ZRANB1: variants seen among roughly 807,000 people sequenced by gnomAD.
ZRANB1 encodes ubiquitin thioesterase ZRANB1.
Under a neutral mutation model 80.5 loss-of-function variants are expected in ZRANB1, and 16 were observed. The observed-to-expected ratio is 0.20, with a 90% confidence interval of 0.13 to 0.30. The LOEUF (loss-of-function observed/expected upper bound fraction) is 0.30, where lower values mean the gene tolerates loss of function less well. Ranked by LOEUF, ZRANB1 falls within the 10% of genes least tolerant of loss-of-function variation. The pLI is 1.00. For missense variants in ZRANB1, 576 were observed against 862.6 expected (o/e 0.67, Z 4.16); for synonymous variants, 291 against 293.1 (o/e 0.99, Z 0.07).
At chr10:124,948,134 C>T (rs906224216) in intron 1 of ZRANB1, among the ~76,000 whole-genome samples, 2 of 152,114 alleles carry the variant, frequency 1.3e-5, no homozygotes, top group African/African-American at 2.4e-5. Flanking sequence ...TCTTCCTCCT[C>T]CCCCTCCTCA....
chr10:124,966,283 C>T (rs1009654695), intron 1 of ZRANB1, among the ~76,000 whole-genome samples: 7 of 151,886 alleles, frequency 4.6e-5, no homozygotes, highest in Admixed American at 1.3e-4. Flanking sequence ...CTTGTTACGT[C>T]TGGTTTCTCA....
intron 2 of ZRANB1, among the ~76,000 whole-genome samples, chr10:124,969,466 C>G (rs1951802689): frequency 6.6e-6 from 1 of 152,078 alleles, no homozygotes; most frequent in Non-Finnish European, 1.5e-5. Flanking sequence ...AATGCTCAGC[C>G]AAGTTCTTTT....
At chr10:124,970,288 A>T (rs934512878) in intron 2 of ZRANB1, among the ~76,000 whole-genome samples, 5 of 151,914 alleles carry the variant, frequency 3.3e-5, no homozygotes, top group African/African-American at 1.2e-4. Context: ...TTTTCTTTTG[A>T]GACAGACTTT....
At chr10:124,925,008 G>A in the ZRANB1 span, among the ~76,000 whole-genome samples, 2 of 151,722 alleles carry the variant, frequency 1.3e-5, no homozygotes, top group African/African-American at 2.4e-5. Context: ...CCCGGGTTCA[G>A]GCGATTCTCA....
intron 2 of ZRANB1, among the ~76,000 whole-genome samples, chr10:124,971,407 T>C (rs1472080134): frequency 6.6e-6 from 1 of 152,228 alleles, no homozygotes; most frequent in Non-Finnish European, 1.5e-5. Context: ...GTGTTTAAAC[T>C]TGCAGATGCC....
At chr10:124,919,352 C>T in the ZRANB1 span, among the ~76,000 whole-genome samples, 5 of 152,114 alleles carry the variant, frequency 3.3e-5, no homozygotes, top group African/African-American at 1.2e-4. Context: ...CGAGACCAGC[C>T]TGGCCAACAT....
chr10:124,935,611 A>G, the ZRANB1 span, among the ~76,000 whole-genome samples: 2 of 152,196 alleles, frequency 1.3e-5, no homozygotes, highest in Admixed American at 6.5e-5. Context: ...CTTGACACCT[A>G]GTTTATATCT....
intron 1 of ZRANB1, among the ~76,000 whole-genome samples, chr10:124,953,218 G>A (rs1032662689): frequency 1.3e-5 from 2 of 151,798 alleles, no homozygotes; most frequent in African/African-American, 4.8e-5. Flanking sequence ...GAGCCACTGT[G>A]TCCAGCCAAC....
intron 5 of ZRANB1, among the ~76,000 whole-genome samples, chr10:124,979,167 ATGTTCTAGGTCTT>A (rs1951910192): frequency 6.6e-6 from 1 of 152,072 alleles, no homozygotes. Flanking sequence ...GCAACGAAAA[ATGTTCTAGGTCTT>A]GAACTCCTGG....
chr10:124,926,016 G>T, the ZRANB1 span, among the ~76,000 whole-genome samples: 7 of 152,170 alleles, frequency 4.6e-5, no homozygotes, highest in Non-Finnish European at 1.0e-4. Context: ...GAATACTGTG[G>T]TGTTTTTCTA....
the ZRANB1 span, among the ~76,000 whole-genome samples, chr10:124,925,522 C>T: frequency 2.0e-5 from 3 of 152,094 alleles, no homozygotes; most frequent in African/African-American, 7.2e-5. Flanking sequence ...TTTGCAAATA[C>T]TTTCTTCTGT....
At chr10:124,932,839 A>C in the ZRANB1 span, among the ~76,000 whole-genome samples, 1 of 152,090 alleles carries the variant, frequency 6.6e-6, no homozygotes. Context: ...CTGGGATTAT[A>C]GGCGCGAGCC....
chr10:124,955,180 GACAAA>G lies in ZRANB1; in HGVS notation c.815-11407_815-11403del, dbSNP rs199845685. Among the ~76,000 whole-genome samples the G allele has an allele frequency of 4.9e-4, 74 of 150,358 alleles. 2 individuals carry two copies. The East Asian group carries it at 0.011, about 23-fold the overall frequency. On this transcript the variant is annotated intron_variant, in intron 1 of 8. Transcript: ENST00000359653. ...CCCACCTAATTGTCCTTTTATTAAA[GACAAA>G]ACAAAAATGGTTCGAGTTAAAAATG...
At chr10:124,935,219 G>T in the ZRANB1 span, among the ~76,000 whole-genome samples, 1 of 152,160 alleles carries the variant, frequency 6.6e-6, no homozygotes, top group African/African-American at 2.4e-5. Context: ...TGATGTAGTT[G>T]TATACTTAAG....
chr10:124,922,311 ATATGTAAAATATATG>A, the ZRANB1 span, among the ~76,000 whole-genome samples: 8 of 21,578 alleles, frequency 3.7e-4, no homozygotes, highest in Admixed American at 4.4e-3. Flanking sequence ...ATATATATAT[ATATGTAAAATATATG>A]TATATATATA....
chr10:124,942,094 T>G (rs1383478151), upstream of ZRANB1: 1 of 1,010,590 alleles, frequency 9.9e-7, no homozygotes, highest in East Asian at 8.8e-5. Context: ...TTTGTCTCTT[T>G]AAACTATTGG....
chr10:124,932,281 ATTTTTTTTT>A, the ZRANB1 span, among the ~76,000 whole-genome samples: 5 of 115,310 alleles, frequency 4.3e-5, no homozygotes, highest in Admixed American at 1.0e-4. Context: ...GGGTGTAAAG[ATTTTTTTTT>A]TTTTTTTTTT....
chr10:124,923,300 C>A, the ZRANB1 span, among the ~76,000 whole-genome samples: 2 of 149,772 alleles, frequency 1.3e-5, no homozygotes, highest in South Asian at 2.1e-4. Flanking sequence ...ACAAAAAAAA[C>A]AAACTAGCTG....
At chr10:124,981,564 A>ATTCT in intron 5 of ZRANB1, 145 bp from the exon 6 acceptor site, 1 of 752,474 alleles carries the variant, frequency 1.3e-6, no homozygotes, top group Non-Finnish European at 2.0e-6. Context: ...TTCATTAGAA[A>ATTCT]AATACATTAC....
Sources: gnomAD v4.1 joint callset for allele counts (sites outside exome capture counted in the v4.1 genomes callset) on GRCh38, gnomAD v4.1.1 for gene constraint, MANE v1.5 for transcripts, NCBI Gene and HGNC (gene_info 2026-07-23, HGNC 2026-07-21) for gene names.